SERGEF: variants seen among roughly 807,000 people sequenced by gnomAD.
SERGEF encodes the protein secretion regulating guanine nucleotide exchange factor, also known as secretion-regulating guanine nucleotide exchange factor.
Under a neutral mutation model 50.0 loss-of-function variants are expected in SERGEF, and 51 were observed. That is an observed-to-expected ratio of 1.02 (90% CI 0.81 to 1.29). The LOEUF (loss-of-function observed/expected upper bound fraction) is 1.29, where lower values mean the gene tolerates loss of function less well. Among genes scored for constraint, SERGEF ranks in the 50% most tolerant of loss-of-function variants. The pLI is 0.00. For missense variants in SERGEF, 521 were observed against 557.0 expected (o/e 0.94, Z 0.65); for synonymous variants, 205 against 212.4 (o/e 0.97, Z 0.30).
intron 10 of SERGEF, among the ~76,000 whole-genome samples, chr11:17,833,755 T>G (rs1850354688): frequency 6.6e-6 from 1 of 152,224 alleles, no homozygotes; most frequent in Non-Finnish European, 1.5e-5. Flanking sequence ...GCTTTAAGAT[T>G]TGACTGCCCC....
rs34828140 is a variant in SERGEF at position 17,961,317 on chromosome 11, C to T, written c.845-1681G>A. Among the ~76,000 whole-genome samples the T allele has an allele frequency of 8.9e-3, 1,352 of 152,244 alleles. 16 individuals are homozygous for T. The highest frequency in any genetic ancestry group is 0.017 in the Middle Eastern group (5 of 294). ...TCTTAAAAACCCATGTGCCCAGGAC[C>T]CATAGGGCATCCAAAACTGGCAAAT... On this transcript the variant is annotated intron_variant, in intron 8 of 10. Transcript: ENST00000265965.
intron 9 of SERGEF, among the ~76,000 whole-genome samples, chr11:17,919,615 C>T (rs1488324005): frequency 6.6e-6 from 1 of 152,092 alleles, no homozygotes; most frequent in East Asian, 1.9e-4. Flanking sequence ...TAAATCCTTA[C>T]AACCCTTGAG....
At chr11:17,993,604 T>C (rs1853766564) in intron 6 of SERGEF, among the ~76,000 whole-genome samples, 1 of 152,254 alleles carries the variant, frequency 6.6e-6, no homozygotes, top group Non-Finnish European at 1.5e-5. Flanking sequence ...TAGCCTGTGA[T>C]GACATGCAGT....
intron 10 of SERGEF, among the ~76,000 whole-genome samples, chr11:17,796,212 A>G (rs887416370): frequency 6.6e-6 from 1 of 152,170 alleles, no homozygotes; most frequent in Non-Finnish European, 1.5e-5. Context: ...CAAAGAGGAG[A>G]GGATGACCTA....
At chr11:17,907,163 C>CAAAAA (rs200442630) in intron 9 of SERGEF, among the ~76,000 whole-genome samples, 9 of 116,772 alleles carry the variant, frequency 7.7e-5, no homozygotes, top group African/African-American at 2.8e-4. Context: ...AACTTATGAC[C>CAAAAA]AAAAAAAAAA....
chr11:17,847,646 C>T (rs757189675), intron 10 of SERGEF, among the ~76,000 whole-genome samples: 23 of 152,280 alleles, frequency 1.5e-4, no homozygotes, highest in Non-Finnish European at 2.8e-4. Flanking sequence ...GCTCCACATG[C>T]CCTCCAGCTA....
chr11:17,879,822 T>C (rs1233266685), intron 9 of SERGEF, among the ~76,000 whole-genome samples: 1 of 152,176 alleles, frequency 6.6e-6, no homozygotes, highest in Non-Finnish European at 1.5e-5. Flanking sequence ...AAACATCATA[T>C]TGTATACAGT....
intron 10 of SERGEF, among the ~76,000 whole-genome samples, chr11:17,853,149 T>C (rs1033679754): frequency 7.2e-5 from 11 of 152,118 alleles, no homozygotes; most frequent in Middle Eastern, 3.2e-3. Flanking sequence ...TTGTAAAACA[T>C]AGCAAACAAT....
At chr11:17,832,043 GC>G (rs1318952236) in intron 10 of SERGEF, among the ~76,000 whole-genome samples, 1 of 152,168 alleles carries the variant, frequency 6.6e-6, no homozygotes, top group East Asian at 1.9e-4. Context: ...TCTGGTTCTG[GC>G]CCCAGCTCCA....
At chr11:17,814,662 G>A (rs1025671304) in intron 10 of SERGEF, among the ~76,000 whole-genome samples, 1 of 152,118 alleles carries the variant, frequency 6.6e-6, no homozygotes, top group African/African-American at 2.4e-5. Context: ...TGCACATGAG[G>A]AAACCAAAGC....
intron 10 of SERGEF, among the ~76,000 whole-genome samples, chr11:17,796,736 T>C (rs549019603): frequency 2.6e-5 from 4 of 152,122 alleles, no homozygotes; most frequent in African/African-American, 9.7e-5. Context: ...TCCATCACTC[T>C]CCAGGGCCAA....
Position 17,989,598 on chromosome 11 carries a change from C to T in SERGEF, c.686-843G>A, listed in dbSNP as rs576283750. ...AAATATTTTGTAAATGAAAGCCATA[C>T]AAAATGAGGCCATGGGCAATAATTT... On this transcript the variant is annotated intron_variant, in intron 7 of 10. Transcript: ENST00000265965. Among the ~76,000 whole-genome samples the T allele has an allele frequency of 3.1e-4, 47 of 152,314 alleles. No individual in the cohort carries two copies. In the South Asian group the frequency reaches 8.1e-3, roughly 26 times the overall value.
At chr11:17,874,721 G>C (rs1030287136) in intron 10 of SERGEF, among the ~76,000 whole-genome samples, 7 of 152,090 alleles carry the variant, frequency 4.6e-5, no homozygotes, top group South Asian at 2.1e-4. Context: ...GAACAAATCT[G>C]GGCTAGGACT....
At chr11:17,831,568 G>A (rs1453061431) in intron 10 of SERGEF, among the ~76,000 whole-genome samples, 1 of 152,178 alleles carries the variant, frequency 6.6e-6, no homozygotes, top group Non-Finnish European at 1.5e-5. Flanking sequence ...CTTAAGAGCT[G>A]GAAGGCCAGG....
At chr11:17,793,583 C>T (rs574302159) in intron 10 of SERGEF, among the ~76,000 whole-genome samples, 7 of 152,288 alleles carry the variant, frequency 4.6e-5, no homozygotes, top group Non-Finnish European at 7.4e-5. Context: ...TCTCCCTAAG[C>T]GACATGGAAC....
intron 10 of SERGEF, chr11:17,855,405 TCA>T (rs1850799693): frequency 6.6e-6 from 1 of 152,210 alleles, no homozygotes; most frequent in Non-Finnish European, 1.5e-5. Flanking sequence ...TTGGAAACTG[TCA>T]CAGTTTTAAA....
At chr11:17,935,912 G>A (rs1448167730) in intron 9 of SERGEF, among the ~76,000 whole-genome samples, 2 of 152,168 alleles carry the variant, frequency 1.3e-5, no homozygotes, top group Admixed American at 6.6e-5. Context: ...GCAGAGTGGA[G>A]GGAGCAGGAT....
At chr11:17,930,340 C>T (rs1212739493) in intron 9 of SERGEF, among the ~76,000 whole-genome samples, 1 of 152,182 alleles carries the variant, frequency 6.6e-6, no homozygotes, top group Non-Finnish European at 1.5e-5. Context: ...TCTATCAGAA[C>T]TTATCAAAAC....
chr11:17,918,643 C>CAT, intron 9 of SERGEF: 1 of 414,552 alleles, frequency 2.4e-6, no homozygotes, highest in South Asian at 1.7e-5. Flanking sequence ...CACACACACA[C>CAT]ACACACACAT....
Sources: allele counts gnomAD v4.1 joint callset (sites outside exome capture counted in the v4.1 genomes callset), GRCh38; gene constraint gnomAD v4.1.1; transcripts MANE v1.5; gene names NCBI Gene and HGNC (gene_info 2026-07-23, HGNC 2026-07-21).